The following AKAP12 variants were observed in gnomAD, a reference collection of about 807,000 sequenced individuals.
AKAP12 encodes A-kinase anchor protein 12.
Under a neutral mutation model 79.9 loss-of-function variants are expected in AKAP12, and 32 were observed. That is an observed-to-expected ratio of 0.40 (90% CI 0.30 to 0.54). AKAP12 has a LOEUF of 0.54. Among genes scored for constraint, AKAP12 ranks in the 20% least tolerant of loss-of-function variants. The pLI, the probability that AKAP12 is intolerant of heterozygous loss-of-function variation, is 0.48. For missense variants in AKAP12, 2,074 were observed against 2,177.0 expected (o/e 0.95, Z 0.94); for synonymous variants, 808 against 857.0 (o/e 0.94, Z 1.00).
At chr6:151,275,652 T>C (rs9478999) in intron 2 of AKAP12, among the ~76,000 whole-genome samples, 6,150 of 152,306 alleles carry the variant, frequency 0.04, 400 homozygotes, top group African/African-American at 0.14. Context: ...GGAATTTGGA[T>C]GTTAAAAATG....
intron 2 of AKAP12, among the ~76,000 whole-genome samples, chr6:151,244,873 C>A (rs1044457727): frequency 6.6e-6 from 1 of 152,150 alleles, no homozygotes. Context: ...CTGCAGGAAT[C>A]GCAGGGCTTC....
chr6:151,242,563 C>T (rs1468232324), intron 2 of AKAP12, among the ~76,000 whole-genome samples: 1 of 152,218 alleles, frequency 6.6e-6, no homozygotes. Context: ...AAATTTATCA[C>T]TCAGGCTTTG....
intron 3 of AKAP12, among the ~76,000 whole-genome samples, chr6:151,321,803 C>T (rs199912354): frequency 7.8e-4 from 119 of 151,800 alleles, no homozygotes; most frequent in African/African-American, 2.4e-3. Flanking sequence ...TTCCCAATAG[C>T]GATGTGTGAG....
chr6:151,325,506 A>G (rs557875667), intron 3 of AKAP12: 1 of 985,014 alleles, frequency 1.0e-6, no homozygotes, highest in Non-Finnish European at 1.2e-6. Flanking sequence ...GAGGGCTTTA[A>G]GGTGAAGCAC....
chr6:151,350,329 C>A lies in AKAP12; in HGVS notation c.1938C>A (p.Thr646=). 6.2e-7 allele frequency: 1 copy of A among 1,613,684 alleles called. No homozygotes were observed. The highest frequency in any genetic ancestry group is 8.5e-7 in the Non-Finnish European group (1 of 1,179,982). The part of the protein sequence containing the change: ...DKVKSATLSS[T]ESTASEMQEE... The stretch of plus-strand genomic sequence containing the variant: ...TCAAGAGCGCTACCTTGTCTTCCAC[C>A]GAGAGCACAGCCTCTGAAATGCAAG... Residue 646 remains threonine (T), a synonymous_variant, in exon 4 of 5, where the codon ACC becomes ACA. Transcript: ENST00000402676. The surrounding 1 kb of genome is among the most constrained non-coding windows in gnomAD (Gnocchi z 4.8).
rs1289321065 is a variant in AKAP12 at position 151,352,676 on chromosome 6, A to G, written c.4285A>G (p.Lys1429Glu). Residue 1429 changes from lysine (K) to glutamate (E), a missense_variant, in exon 4 of 5, where the codon AAG (lysine) becomes GAG (glutamate). This residue lies in a region of AKAP12 where 614 missense variants were observed against 665.6 expected (regional missense o/e 0.92). Transcript: ENST00000402676. ...FTLTAAAEEEKVLGETANILE... is the reference protein window; with the variant it reads ...FTLTAAAEEEEVLGETANILE... Reference sequence around the variant, plus strand: ...TCTAACAGCGGCTGCAGAGGAGGAAAAGGTCTTAGGAGAAACTGCCAACAT... The same window carrying G: ...TCTAACAGCGGCTGCAGAGGAGGAAGAGGTCTTAGGAGAAACTGCCAACAT... 1 of 1,614,168 alleles carries G rather than the reference A, an allele frequency of 6.2e-7. No individual in the cohort carries two copies. The highest frequency in any genetic ancestry group is 2.2e-5 in the East Asian group (1 of 44,878).
chr6:151,295,453 GT>G (rs1360987947), intron 2 of AKAP12, among the ~76,000 whole-genome samples: 1 of 152,172 alleles, frequency 6.6e-6, no homozygotes, highest in African/African-American at 2.4e-5. Flanking sequence ...TTTGTAGACA[GT>G]GGCGAGAAAC....
At chr6:151,339,917 C>A in intron 3 of AKAP12, among the ~76,000 whole-genome samples, 1 of 151,818 alleles carries the variant, frequency 6.6e-6, no homozygotes, top group East Asian at 1.9e-4. Context: ...GGCCTGATAA[C>A]TAATTTTTCT....
intron 3 of AKAP12, among the ~76,000 whole-genome samples, chr6:151,326,909 T>C (rs1294177): frequency 0.55 from 83,648 of 151,708 alleles, 26,584 homozygotes; most frequent in African/African-American, 0.86. Context: ...CTCCACCTCC[T>C]GGGTTCAAGC....
intron 3 of AKAP12, among the ~76,000 whole-genome samples, chr6:151,314,162 G>A (rs1777184606): frequency 6.6e-6 from 1 of 151,878 alleles, no homozygotes; most frequent in Non-Finnish European, 1.5e-5. Flanking sequence ...TGAGTAGCTG[G>A]AATTACAGGC....
At chr6:151,247,461 A>G (rs1421723131) in intron 2 of AKAP12, among the ~76,000 whole-genome samples, 1 of 152,186 alleles carries the variant, frequency 6.6e-6, no homozygotes, top group Non-Finnish European at 1.5e-5. Context: ...AAATTAATCA[A>G]ATTGGAAAAA....
intron 2 of AKAP12, among the ~76,000 whole-genome samples, chr6:151,297,854 C>T (rs1446591097): frequency 6.6e-6 from 1 of 152,072 alleles, no homozygotes; most frequent in Non-Finnish European, 1.5e-5. Context: ...TAAAAGGTGA[C>T]CGTAGTGTGA....
chr6:151,355,612 T>C (rs1778422718), intron 4 of AKAP12, 115 bp from the exon 5 acceptor site: 1 of 152,498 alleles, frequency 6.6e-6, no homozygotes, highest in South Asian at 2.1e-4. Context: ...CATCTTTGTT[T>C]TTTTAATGGA....
chr6:151,242,965 C>G (rs1225791132), intron 2 of AKAP12, among the ~76,000 whole-genome samples: 2 of 152,144 alleles, frequency 1.3e-5, no homozygotes, highest in African/African-American at 4.8e-5. Flanking sequence ...CAATTTAACC[C>G]TTGATCATTT....
At chr6:151,302,811 A>G (rs918393266) in intron 2 of AKAP12, among the ~76,000 whole-genome samples, 1 of 152,200 alleles carries the variant, frequency 6.6e-6, no homozygotes, top group Non-Finnish European at 1.5e-5. Context: ...CCACGATAAT[A>G]TGTGATTCCT....
rs527468444 is a variant in AKAP12 at position 151,239,992 on chromosome 6, G to A, written c.-247G>A. Reference sequence around the variant, plus strand: ...GGAGTTAAACACAATCTGCAGGAAAGCAAATGGGGACTCGGACTCGCTCCT... The same window carrying A: ...GGAGTTAAACACAATCTGCAGGAAAACAAATGGGGACTCGGACTCGCTCCT... On this transcript the variant is annotated 5_prime_UTR_variant, in exon 1 of 5. Coordinates refer to ENST00000402676, the MANE Select transcript of AKAP12 (RefSeq NM_005100.4). 1 of 152,482 alleles carries A rather than the reference G, an allele frequency of 6.6e-6. No individual in the cohort carries two copies. Among genetic ancestry groups the A allele is most frequent in the South Asian group, 2.1e-4 (1 of 4,834 alleles). The allele number at this position is 152,482 out of a possible 1,614,324, so 9.4% of individuals were successfully genotyped here.
intron 3 of AKAP12, among the ~76,000 whole-genome samples, chr6:151,318,596 G>A (rs905873513): frequency 8.5e-5 from 13 of 152,054 alleles, no homozygotes; most frequent in Non-Finnish European, 1.5e-4. Context: ...ACGTGAATCC[G>A]TTTCCATTCA....
At chr6:151,273,757 C>T (rs981456529) in intron 2 of AKAP12, among the ~76,000 whole-genome samples, 4 of 152,078 alleles carry the variant, frequency 2.6e-5, no homozygotes, top group African/African-American at 9.7e-5. Flanking sequence ...CAGTTGGGCG[C>T]AGTGGCTCAC....
chr6:151,274,724 A>C (rs1776258087), intron 2 of AKAP12, among the ~76,000 whole-genome samples: 2 of 152,204 alleles, frequency 1.3e-5, no homozygotes, highest in South Asian at 4.1e-4. Context: ...GCATCTCACA[A>C]TTTTATAGGC....
Sources: allele counts gnomAD v4.1 joint callset (sites outside exome capture counted in the v4.1 genomes callset), GRCh38; gene constraint gnomAD v4.1.1; regional missense constraint gnomAD v4.1.1; non-coding constraint Gnocchi (gnomAD v3.1); transcripts MANE v1.5; gene names NCBI Gene and HGNC (gene_info 2026-07-23, HGNC 2026-07-21).